The following MAP3K7 variants were observed in gnomAD, a reference collection of about 807,000 sequenced individuals.
The protein encoded by MAP3K7 is TGF-beta activated kinase 1.
A neutral mutation model predicts 84.8 loss-of-function variants in MAP3K7; 21 were observed. That is an observed-to-expected ratio of 0.25 (90% CI 0.18 to 0.36). The LOEUF (loss-of-function observed/expected upper bound fraction) is 0.36. Among genes scored for constraint, MAP3K7 ranks in the 10% least tolerant of loss-of-function variants. MAP3K7 has a pLI of 1.00. For missense variants in MAP3K7, 503 were observed against 747.7 expected, an observed-to-expected ratio of 0.67 and a Z score of 3.82; for synonymous variants, 241 against 247.7, an observed-to-expected ratio of 0.97 and a Z score of 0.25.
rs187188963 is a variant in MAP3K7, at chr6:90,514,124, C to G, written c.*2377G>C. ...TTTGAATTTCTTAGACTGGGGCATTCCAGCCACTTGCTTGGCTGTTTGCAA... is the reference window on the plus strand; with the variant it reads ...TTTGAATTTCTTAGACTGGGGCATTGCAGCCACTTGCTTGGCTGTTTGCAA... On this transcript the variant is annotated 3_prime_UTR_variant, in exon 17 of 17. Coordinates refer to ENST00000369329, the MANE Select transcript of MAP3K7 (RefSeq NM_145331.3). 1 of 152,052 alleles carries G rather than the reference C, an allele frequency of 6.6e-6. No homozygotes were observed. The highest frequency in any genetic ancestry group is 1.9e-4 in the East Asian group (1 of 5,190). 9.4% of individuals were successfully genotyped at this position (152,052 alleles called of 1,614,324 possible).
At chr6:90,543,088 GC>G in intron 12 of MAP3K7, among the ~76,000 whole-genome samples, 1 of 84,064 alleles carries the variant, frequency 1.2e-5, no homozygotes, top group South Asian at 3.8e-4. Context: ...GCACAGTTCA[GC>G]GGTATGTAAG....
chr6:90,531,904 G>A (rs7744959), intron 13 of MAP3K7, among the ~76,000 whole-genome samples: 2,779 of 151,258 alleles, frequency 0.018, 98 homozygotes, highest in African/African-American at 0.064. Context: ...TGCAATGAGC[G>A]GAGATCACAC....
intron 11 of MAP3K7, among the ~76,000 whole-genome samples, chr6:90,545,380 C>A (rs1323083621): frequency 6.6e-6 from 1 of 152,040 alleles, no homozygotes; most frequent in Admixed American, 6.6e-5. Context: ...CTAGCAAAGT[C>A]ATTTCTGTAA....
intron 11 of MAP3K7, among the ~76,000 whole-genome samples, chr6:90,545,557 C>T (rs762454507): frequency 1.6e-4 from 24 of 152,070 alleles, no homozygotes; most frequent in Non-Finnish European, 3.2e-4. Flanking sequence ...GGGTATGTCC[C>T]GGTGAGTAGG....
chr6:90,558,425 T>C (rs1163651442), intron 5 of MAP3K7, among the ~76,000 whole-genome samples: 1 of 152,172 alleles, frequency 6.6e-6, no homozygotes, highest in African/African-American at 2.4e-5. Context: ...TTCCAAAGAA[T>C]TTCTTTTACC....
chr6:90,518,350 T>C, intron 16 of MAP3K7, 97 bp downstream of exon 16: 1 of 676,310 alleles, frequency 1.5e-6, no homozygotes, highest in Non-Finnish European at 2.5e-6. Context: ...GTATACTTAA[T>C]GACTAATTCT....
At chr6:90,536,196 G>A (rs1775670585) in intron 13 of MAP3K7, 141 bp downstream of exon 13, 3 of 579,008 alleles carry the variant, frequency 5.2e-6, no homozygotes. Flanking sequence ...TCCCCCCTAA[G>A]TATTTAAGTT....
intron 1 of MAP3K7, among the ~76,000 whole-genome samples, chr6:90,578,088 C>T (rs1446062361): frequency 1.3e-5 from 2 of 152,094 alleles, no homozygotes; most frequent in East Asian, 1.9e-4. Flanking sequence ...TACAAAGATA[C>T]ATAAAAGAGG....
intron 1 of MAP3K7, among the ~76,000 whole-genome samples, chr6:90,584,655 T>C (rs976963333): frequency 6.6e-6 from 1 of 152,128 alleles, no homozygotes; most frequent in Non-Finnish European, 1.5e-5. Flanking sequence ...GAATCAAGAA[T>C]GTAAAAAGCT....
At position 90,560,141 on chromosome 6, in the gene MAP3K7, T is replaced by C. The variant is rs34261934; in HGVS notation, c.417A>G (p.Gln139=). ...HAMSWCLQCS[Q]GVAYLHSMQP... ...GCATGCTGTGAAGATAAGCCACTCC[T>C]TGGGAACACTGTAAACACCAACTCA... The change falls in exon 5 of 17, where the codon CAA becomes CAG. Residue 139 remains glutamine, a synonymous_variant. Coordinates refer to ENST00000369329, the MANE Select transcript of MAP3K7 (RefSeq NM_145331.3). 1.9e-6 allele frequency: 3 copies of C among 1,614,082 alleles called. No individual in the cohort carries two copies. The African/African-American group carries it at 4.0e-5, about 22-fold the overall frequency.
At chr6:90,528,634 C>T (rs1054500672) in intron 13 of MAP3K7, among the ~76,000 whole-genome samples, 1 of 151,640 alleles carries the variant, frequency 6.6e-6, no homozygotes, top group Non-Finnish European at 1.5e-5. Flanking sequence ...TTTGTGTGTA[C>T]ATAGTAGGTA....
intron 14 of MAP3K7, among the ~76,000 whole-genome samples, chr6:90,521,257 CGTGTGTGTGT>C (rs59945419): frequency 1.5e-4 from 22 of 148,536 alleles, no homozygotes; most frequent in South Asian, 2.2e-4. Flanking sequence ...AAGTTTTTTG[CGTGTGTGTGT>C]GTGTGTGTGT....
chr6:90,556,901 A>G (rs1206967553), intron 5 of MAP3K7, among the ~76,000 whole-genome samples: 1 of 152,184 alleles, frequency 6.6e-6, no homozygotes, highest in Non-Finnish European at 1.5e-5. Flanking sequence ...TTTCCTGATC[A>G]TACTTCTATC....
At chr6:90,529,544 T>G (rs1224449503) in intron 13 of MAP3K7, among the ~76,000 whole-genome samples, 6 of 152,178 alleles carry the variant, frequency 3.9e-5, no homozygotes, top group African/African-American at 1.4e-4. Context: ...GCCCAGAGTT[T>G]GACTGTGCTC....
intron 13 of MAP3K7, among the ~76,000 whole-genome samples, chr6:90,535,995 A>G (rs1256254522): frequency 2.0e-5 from 3 of 152,186 alleles, no homozygotes; most frequent in Admixed American, 2.0e-4. Flanking sequence ...GAGACATATT[A>G]ATGATTCACT....
At position 90,586,850 on chromosome 6, in the gene MAP3K7, A is replaced by G. The variant is rs1051442933; in HGVS notation, c.34T>C (p.Ser12Pro). The G allele has an allele frequency of 2.0e-6, 3 of 1,508,206 alleles. No homozygotes were observed. The highest frequency in any genetic ancestry group is 1.4e-5 in the African/African-American group (1 of 71,142). 93.4% of individuals were successfully genotyped at this position (1,508,206 alleles called of 1,614,324 possible). Residue 12 changes from serine (S) to proline (P), a missense_variant, in exon 1 of 17, where the codon TCG (serine) becomes CCG (proline). Physicochemically the swap from Ser to Pro is moderately conservative, Grantham distance 74. Around this residue, in one of 5 missense-constraint regions of MAP3K7, gnomAD observed 41 missense variants for 41.4 expected, o/e 0.99. Coordinates refer to ENST00000369329, the MANE Select transcript of MAP3K7 (RefSeq NM_145331.3). ...STASAASSSS[S>P]SSAGEMIEAP... is the part of the protein sequence containing the mutation. The stretch of plus-strand genomic sequence containing the variant: ...TCGATCATCTCACCGGCCGAAGACG[A>G]GGAGGAGGAGGAGGCGGCAGAGGCT...
At chr6:90,526,959 AT>A (rs1362126968) in intron 13 of MAP3K7, among the ~76,000 whole-genome samples, 1 of 152,174 alleles carries the variant, frequency 6.6e-6, no homozygotes, top group Non-Finnish European at 1.5e-5. Context: ...TTCCAAAAAA[AT>A]AAAATAAAAA....
At chr6:90,534,214 T>C (rs932151259) in intron 13 of MAP3K7, among the ~76,000 whole-genome samples, 3 of 152,172 alleles carry the variant, frequency 2.0e-5, no homozygotes, top group African/African-American at 7.2e-5. Flanking sequence ...ACCTTCCAAT[T>C]TTGAAAACAC....
At chr6:90,541,331 G>A (rs571456348) in intron 12 of MAP3K7, among the ~76,000 whole-genome samples, 104 of 152,004 alleles carry the variant, frequency 6.8e-4, no homozygotes, top group African/African-American at 2.4e-3. Flanking sequence ...AGTTCATATG[G>A]TCTAAATACT....
Sources: allele counts gnomAD v4.1 joint callset (sites outside exome capture counted in the v4.1 genomes callset), GRCh38; gene constraint gnomAD v4.1.1; regional missense constraint gnomAD v4.1.1; transcripts MANE v1.5; gene names NCBI Gene and HGNC (gene_info 2026-07-23, HGNC 2026-07-21).